Variants in ELK1 observed in about 807,000 individuals in gnomAD.
ELK1 encodes the protein ETS domain-containing protein Elk-1.
For missense variants in ELK1, 254 were observed against 381.5 expected (o/e 0.67, Z 2.78); for synonymous variants, 163 against 176.3 (o/e 0.92, Z 0.60).
Position 47,636,747 on chromosome X carries a change from C to T in ELK1, c.*82G>A, listed in dbSNP as rs2058009385. On this transcript the variant is annotated 3_prime_UTR_variant, in exon 7 of 7. Coordinates refer to ENST00000376983, the MANE Select transcript of ELK1 (RefSeq NM_001114123.3). Reference sequence around the variant, plus strand: ...TCAGAGCATGAGTCTTTCAGTTGAACTATGTTTCTCCTTGAGATGGCTGGC... The same window carrying T: ...TCAGAGCATGAGTCTTTCAGTTGAATTATGTTTCTCCTTGAGATGGCTGGC... 6.5e-6 allele frequency: 6 copies of T among 929,744 alleles called. No homozygotes were observed. Among genetic ancestry groups the T allele is most frequent in the Admixed American group, 3.8e-5 (1 of 26,204 alleles). The allele number at this position is 929,744 out of a possible 1,213,427, so 76.6% of individuals were successfully genotyped here.
chrX:47,639,359 C>G, intron 3 of ELK1, 21 bp from the exon 4 acceptor site: 1 of 1,178,547 alleles, frequency 8.5e-7, no homozygotes, highest in Non-Finnish European at 1.1e-6. Flanking sequence ...AGGAGAGGAA[C>G]AGAGGGCCTT....
intron 1 of ELK1, 89 bp downstream of exon 1, chrX:47,650,334 C>T (rs1226269983): frequency 4.4e-6 from 1 of 229,338 alleles, no homozygotes; most frequent in Non-Finnish European, 8.1e-6. Flanking sequence ...ACCAGCAGGC[C>T]ACCGGCCAAG....
chrX:47,642,406 GTTT>G (rs112935420), intron 2 of ELK1, among the ~76,000 whole-genome samples: 1 of 105,796 alleles, frequency 9.5e-6, no homozygotes, highest in African/African-American at 3.4e-5. Context: ...TTTTCAGGAG[GTTT>G]TTTTTTTGCC....
intron 2 of ELK1, among the ~76,000 whole-genome samples, chrX:47,646,857 G>A (rs932886745): frequency 3.6e-5 from 4 of 111,428 alleles, no homozygotes; most frequent in Non-Finnish European, 7.5e-5. Context: ...ACCCTTCCCC[G>A]CACTCTGCTC....
At chrX:47,650,384 C>A in intron 1 of ELK1, 39 bp downstream of exon 1, 1 of 297,271 alleles carries the variant, frequency 3.4e-6, no homozygotes, top group Non-Finnish European at 6.5e-6. Flanking sequence ...TACGTGGGGT[C>A]ACGGACTGGG....
chrX:47,637,559 T>C (rs1414820145), intron 5 of ELK1, among the ~76,000 whole-genome samples, 192 bp downstream of exon 5: 1 of 109,512 alleles, frequency 9.1e-6, no homozygotes, highest in East Asian at 2.9e-4. Flanking sequence ...CCCACAAAAG[T>C]CCCCAGCCCT....
At position 47,635,974 on chromosome X, in the gene ELK1, A is replaced by T. The variant is rs1386265318; in HGVS notation, c.*855T>A. ...AGGAAGAGATGACTCCCTCTCCCCT[A>T]TTGAAAAGCCCCATTTAAAAATAGA... On this transcript the variant is annotated 3_prime_UTR_variant, in exon 7 of 7. Transcript: ENST00000376983. 2 of 107,954 alleles carry T rather than the reference A, an allele frequency of 1.9e-5. No individual in the cohort carries two copies. Among genetic ancestry groups the T allele is most frequent in the East Asian group, 5.7e-4 (2 of 3,486 alleles). The allele number at this position is 107,954 out of a possible 1,213,427, so 8.9% of individuals were successfully genotyped here.
In ELK1 at chrX:47,638,876, T is replaced by C; in HGVS notation, c.654+19A>G. The C allele has an allele frequency of 2.5e-6, 3 of 1,191,435 alleles. No individual in the cohort carries two copies. Among genetic ancestry groups the C allele is most frequent in the Middle Eastern group, 2.3e-4 (1 of 4,321 alleles). ...CTTTACTGCCTCCTCTTACTGAATT[T>C]CTATATTCCAGTCCTTACCTGCAGA... is the stretch of plus-strand genomic sequence containing the variant. On this transcript the variant is annotated intron_variant, in intron 4 of 6. Transcript: ENST00000376983.
Position 47,636,538 on chromosome X carries a change from C to G in ELK1, c.*291G>C. 1 of 261,132 alleles carries G rather than the reference C, an allele frequency of 3.8e-6. No individual in the cohort carries two copies. The highest frequency in any genetic ancestry group is 6.3e-5 in the East Asian group (1 of 15,803). The allele number at this position is 261,132 out of a possible 1,213,427, so 21.5% of individuals were successfully genotyped here. On this transcript the variant is annotated 3_prime_UTR_variant, in exon 7 of 7. Transcript: ENST00000376983. ...CTAAAAGGTTAGGTCAGGCTCCTCC[C>G]AGTGGCCTTCAAAAAATAAATAAAT...
chrX:47,644,514 G>A (rs1208999463), intron 2 of ELK1, among the ~76,000 whole-genome samples: 1 of 110,560 alleles, frequency 9.0e-6, no homozygotes, highest in African/African-American at 3.3e-5. Flanking sequence ...GGTGGTAAGG[G>A]TTATGGGAAA....
chrX:47,640,412 G>A (rs189449251), intron 3 of ELK1, among the ~76,000 whole-genome samples: 16 of 111,037 alleles, frequency 1.4e-4, no homozygotes, highest in East Asian at 8.5e-4. Flanking sequence ...TGTGTTTCTC[G>A]GAAGAGGAAT....
intron 5 of ELK1, 61 bp downstream of exon 5, chrX:47,637,690 G>A (rs1214026167): frequency 1.2e-5 from 13 of 1,110,642 alleles, no homozygotes; most frequent in Admixed American, 2.9e-5. Context: ...TCAGTCACCC[G>A]CCACATGCCA....
chrX:47,640,215 G>T (rs1275590199), intron 3 of ELK1, among the ~76,000 whole-genome samples: 1 of 111,457 alleles, frequency 9.0e-6, no homozygotes, highest in African/African-American at 3.3e-5. Flanking sequence ...AGAGGGCAGA[G>T]TGAGATAGCC....
intron 3 of ELK1, among the ~76,000 whole-genome samples, chrX:47,640,353 G>A (rs1368480355): frequency 8.9e-6 from 1 of 111,770 alleles, no homozygotes; most frequent in Non-Finnish European, 1.9e-5. Flanking sequence ...AGGCACTAGG[G>A]CATTCTGTGG....
At chrX:47,640,096 T>A (rs993273083) in intron 3 of ELK1, among the ~76,000 whole-genome samples, 1 of 111,268 alleles carries the variant, frequency 9.0e-6, no homozygotes, top group African/African-American at 3.3e-5. Flanking sequence ...TTAAAAATAC[T>A]GGTATAAATA....
chrX:47,639,044 G>A lies in ELK1; in HGVS notation c.505C>T (p.Pro169Ser). Residue 169 changes from proline to serine, a missense_variant, in exon 4 of 7, where the codon CCG (proline) becomes TCG (serine). Coordinates refer to ENST00000376983, the MANE Select transcript of ELK1 (RefSeq NM_001114123.3). ...YSTFTIQSLQPQPPPHPRPAV... is the reference protein window; with the variant it reads ...YSTFTIQSLQSQPPPHPRPAV... Reference sequence around the variant, plus strand: ...GGCCGAGGATGAGGGGGTGGCTGCGGCTGCAGAGACTGGATGGTGAAGGTG... The same window carrying A: ...GGCCGAGGATGAGGGGGTGGCTGCGACTGCAGAGACTGGATGGTGAAGGTG... 1.7e-6 allele frequency: 2 copies of A among 1,203,927 alleles called. No homozygotes were observed. The highest frequency in any genetic ancestry group is 2.2e-6 in the Non-Finnish European group (2 of 891,921).
At chrX:47,646,820 C>G (rs2058044875) in intron 2 of ELK1, among the ~76,000 whole-genome samples, 1 of 112,011 alleles carries the variant, frequency 8.9e-6, no homozygotes, top group Non-Finnish European at 1.9e-5. Context: ...CTATCTGGCT[C>G]CCATCACCTG....
chrX:47,640,116 G>T (rs985235543), intron 3 of ELK1, among the ~76,000 whole-genome samples: 6 of 111,169 alleles, frequency 5.4e-5, no homozygotes, highest in African/African-American at 1.6e-4. Context: ...ATTGGGAGGG[G>T]GCCTATATCA....
At chrX:47,643,217 T>C (rs1185189140) in intron 2 of ELK1, among the ~76,000 whole-genome samples, 2 of 112,291 alleles carry the variant, frequency 1.8e-5, no homozygotes, top group Admixed American at 9.4e-5. Flanking sequence ...GGCACCACGC[T>C]TGGCTGATAT....
Sources: gnomAD v4.1 joint callset for allele counts (sites outside exome capture counted in the v4.1 genomes callset) on GRCh38, gnomAD v4.1.1 for gene constraint, MANE v1.5 for transcripts, NCBI Gene and HGNC (gene_info 2026-07-23, HGNC 2026-07-21) for gene names.